The following ZSCAN25 variants were observed in gnomAD, a reference collection of about 807,000 sequenced individuals.
The protein encoded by ZSCAN25 is zinc finger and SCAN domain containing 25.
ZSCAN25 carries 27 observed loss-of-function variants against 38.7 expected under a neutral mutation model. That is an observed-to-expected ratio of 0.70 (90% CI 0.51 to 0.96). ZSCAN25 has a LOEUF of 0.96. Ranked by LOEUF, ZSCAN25 falls within the 40% of genes least tolerant of loss-of-function variation. ZSCAN25 has a pLI of 0.00. For missense variants in ZSCAN25, 637 were observed against 705.9 expected (o/e 0.90, Z 1.11); for synonymous variants, 273 against 277.7 (o/e 0.98, Z 0.17).
At chr7:99,660,712 C>T in the ZSCAN25 span, 1 of 1,592,428 alleles carries the variant, frequency 6.3e-7, no homozygotes, top group South Asian at 1.1e-5. Context: ...TACAACATCA[C>T]AGCTTAGATG....
the ZSCAN25 span, chr7:99,715,309 A>G: frequency 2.8e-3 from 517 of 187,592 alleles, 2 homozygotes; most frequent in African/African-American, 0.012. Context: ...AATTTAGAGG[A>G]AAAAAACCCA....
the ZSCAN25 span, among the ~76,000 whole-genome samples, chr7:99,687,785 C>T: frequency 6.6e-6 from 1 of 152,162 alleles, no homozygotes; most frequent in Non-Finnish European, 1.5e-5. Flanking sequence ...GGTCGGGTTA[C>T]CCACAAAGGG....
chr7:99,721,742 CGT>C, the ZSCAN25 span, among the ~76,000 whole-genome samples: 11 of 151,346 alleles, frequency 7.3e-5, no homozygotes, highest in Non-Finnish European at 1.5e-4. Context: ...AATTATGACA[CGT>C]GTGTGTGTGT....
chr7:99,676,251 T>TA, the ZSCAN25 span: 141 of 1,611,326 alleles, frequency 8.8e-5, no homozygotes, highest in Non-Finnish European at 1.2e-4. Context: ...ATTGTGACTT[T>TA]ATAGATCAGA....
the ZSCAN25 span, among the ~76,000 whole-genome samples, chr7:99,642,718 C>T: frequency 6.6e-6 from 1 of 152,210 alleles, no homozygotes; most frequent in African/African-American, 2.4e-5. Flanking sequence ...TTACCATTAT[C>T]TGACGTATTA....
the ZSCAN25 span, among the ~76,000 whole-genome samples, chr7:99,668,850 G>A: frequency 1.3e-5 from 2 of 152,184 alleles, no homozygotes; most frequent in African/African-American, 2.4e-5. Flanking sequence ...TCTAATCACG[G>A]ACAGTTGAAT....
the ZSCAN25 span, chr7:99,717,084 T>C: frequency 6.5e-7 from 1 of 1,549,286 alleles, no homozygotes; most frequent in Non-Finnish European, 8.9e-7. Context: ...GTCTGGTCAC[T>C]GGAATAACCC....
At chr7:99,716,376 T>C in the ZSCAN25 span, among the ~76,000 whole-genome samples, 4 of 152,338 alleles carry the variant, frequency 2.6e-5, no homozygotes, top group Admixed American at 2.6e-4. Context: ...TACCATGTCC[T>C]GAGCTCCTAG....
At chr7:99,685,745 A>G in the ZSCAN25 span, among the ~76,000 whole-genome samples, 4 of 152,214 alleles carry the variant, frequency 2.6e-5, no homozygotes, top group East Asian at 7.7e-4. Context: ...AAACTTTTCA[A>G]GGCTTGTCCT....
chr7:99,696,796 C>T, the ZSCAN25 span, among the ~76,000 whole-genome samples: 1 of 152,108 alleles, frequency 6.6e-6, no homozygotes, highest in African/African-American at 2.4e-5. Flanking sequence ...TGATGGAAGG[C>T]GATTGTATCT....
chr7:99,622,244 A>G (rs1807042008), intron 5 of ZSCAN25: 1 of 371,454 alleles, frequency 2.7e-6, no homozygotes. Context: ...TTATTTTGTT[A>G]TTGAATCTCA....
At chr7:99,653,093 T>C in the ZSCAN25 span, among the ~76,000 whole-genome samples, 2 of 152,058 alleles carry the variant, frequency 1.3e-5, no homozygotes, top group Non-Finnish European at 2.9e-5. This position sits in a 1 kb window ranked among gnomAD's most constrained non-coding sequence, Gnocchi z 4.2. Flanking sequence ...GCTATGACCA[T>C]TACCACCAAA....
chr7:99,621,476 G>T lies in ZSCAN25; in HGVS notation c.491G>T (p.Gly164Val). 6.3e-7 allele frequency: 1 copy of T among 1,577,258 alleles called. No homozygotes were observed. ...CCAGTGGAGGTCAAGCCTGAATGGG[G>T]GATGCCCCCTGGGGAAGGAGTTCAA... ...LGPVEVKPEW[G>V]MPPGEGVQGP... The change falls in exon 5 of 8, where the codon GGG becomes GTG. Residue 164 changes from glycine (G) to valine (V), a missense_variant. Gly to Val is a moderately radical substitution (Grantham distance 109). Coordinates refer to ENST00000394152, the MANE Select transcript of ZSCAN25 (RefSeq NM_145115.3).
chr7:99,732,313 G>A, the ZSCAN25 span, among the ~76,000 whole-genome samples: 2 of 152,254 alleles, frequency 1.3e-5, no homozygotes, highest in African/African-American at 4.8e-5. Flanking sequence ...AGCGGCAGAA[G>A]TCGCTATGCT....
chr7:99,693,471 T>C, the ZSCAN25 span, among the ~76,000 whole-genome samples: 13 of 152,334 alleles, frequency 8.5e-5, no homozygotes, highest in African/African-American at 3.1e-4. Context: ...AGGCTGTCTG[T>C]CTCCTGTGTT....
At chr7:99,705,245 A>G in the ZSCAN25 span, 1 of 399,116 alleles carries the variant, frequency 2.5e-6, no homozygotes, top group South Asian at 2.7e-5. Context: ...GGTGGTGGAG[A>G]TAGTCCTATG....
At chr7:99,666,747 G>C in the ZSCAN25 span, 2 of 1,612,990 alleles carry the variant, frequency 1.2e-6, no homozygotes, top group Admixed American at 1.7e-5. Flanking sequence ...GTCCCAGAAG[G>C]ATATGGCTTT....
chr7:99,640,313 AGC>A, the ZSCAN25 span, among the ~76,000 whole-genome samples: 3 of 152,008 alleles, frequency 2.0e-5, no homozygotes. Context: ...CGCCTGCCGT[AGC>A]CTGGCTAATT....
the ZSCAN25 span, among the ~76,000 whole-genome samples, chr7:99,645,427 T>G: frequency 6.6e-6 from 1 of 152,246 alleles, no homozygotes; most frequent in Non-Finnish European, 1.5e-5. Context: ...TGAACATATG[T>G]GTGCATGTGT....
Sources: allele counts gnomAD v4.1 joint callset (sites outside exome capture counted in the v4.1 genomes callset), GRCh38; gene constraint gnomAD v4.1.1; non-coding constraint Gnocchi (gnomAD v3.1); transcripts MANE v1.5; gene names NCBI Gene and HGNC (gene_info 2026-07-23, HGNC 2026-07-21).